Variants in CYP39A1 observed in about 807,000 individuals in gnomAD.
The protein encoded by CYP39A1 is cytochrome P450 family 39 subfamily A member 1.
CYP39A1 carries 49 observed loss-of-function variants against 58.1 expected under a neutral mutation model. The ratio of observed to expected loss-of-function variants is 0.84; its 90% CI spans 0.67 to 1.07. CYP39A1 has a LOEUF of 1.07. Ranked by LOEUF, CYP39A1 falls within the 50% of genes least tolerant of loss-of-function variation. CYP39A1 has a pLI of 0.00. For synonymous variants in CYP39A1, 209 were observed against 187.6 expected (o/e 1.11, Z -0.93); for missense variants, 531 against 539.4 (o/e 0.98, Z 0.16).
At chr6:46,599,967 T>C (rs939112790) in intron 7 of CYP39A1, among the ~76,000 whole-genome samples, 6 of 152,102 alleles carry the variant, frequency 3.9e-5, no homozygotes, top group Non-Finnish European at 7.4e-5. Flanking sequence ...AAATCATCCA[T>C]GATAATTCTG....
At chr6:46,555,050 GACACACACAC>G (rs138308277) in intron 10 of CYP39A1, among the ~76,000 whole-genome samples, 4 of 148,390 alleles carry the variant, frequency 2.7e-5, no homozygotes, top group Non-Finnish European at 6.0e-5. Context: ...CGCAGACACA[GACACACACAC>G]ACACACACAC....
rs115409124 is a variant in CYP39A1 at position 46,629,903 on chromosome 6, T to C, written c.840+1060A>G. The stretch of plus-strand genomic sequence containing the variant: ...AACATGACGTGACAGACAAATCTCA[T>C]GGCTCTAATCTAATGCAAGACAGAT... On this transcript the variant is annotated intron_variant, in intron 6 of 11. Coordinates refer to ENST00000275016, the MANE Select transcript of CYP39A1 (RefSeq NM_016593.5). 4.2e-3 allele frequency among the ~76,000 whole-genome samples: 642 copies of C among 151,764 alleles called. 9 individuals carry two copies. Among genetic ancestry groups the C allele is most frequent in the African/African-American group, 0.015 (610 of 41,102 alleles).
intron 10 of CYP39A1, chr6:46,586,349 T>C: frequency 1.0e-6 from 1 of 984,522 alleles, no homozygotes; most frequent in Non-Finnish European, 1.2e-6. Flanking sequence ...ACATTTCCCC[T>C]ACAGAATCAT....
At chr6:46,561,435 C>A (rs1337270418) in intron 10 of CYP39A1, among the ~76,000 whole-genome samples, 1 of 151,976 alleles carries the variant, frequency 6.6e-6, no homozygotes, top group Non-Finnish European at 1.5e-5. Context: ...ATGGGAGCTG[C>A]GCAAGTGAAG....
chr6:46,643,635 C>G (rs1776476907), intron 1 of CYP39A1, among the ~76,000 whole-genome samples: 2 of 152,174 alleles, frequency 1.3e-5, no homozygotes, highest in Non-Finnish European at 2.9e-5. Context: ...AGCACCTGGC[C>G]ACAAGTGTAG....
At position 46,616,611 on chromosome 6, in the gene CYP39A1, A is replaced by C. The variant is rs74845460; in HGVS notation, c.931+8807T>G. Among the ~76,000 whole-genome samples, 313 of 152,234 alleles carry C rather than the reference A, an allele frequency of 2.1e-3. 2 individuals are homozygous for C. Among genetic ancestry groups the C allele is most frequent in the African/African-American group, 7.4e-3 (307 of 41,568 alleles). On this transcript the variant is annotated intron_variant, in intron 7 of 11. Coordinates refer to ENST00000275016, the MANE Select transcript of CYP39A1 (RefSeq NM_016593.5). ...ATTGTTAATTGTCTGTATCCTCTACAAGAATGTAAGCACCAAGAAAAAAGT... is the reference window on the plus strand; with the variant it reads ...ATTGTTAATTGTCTGTATCCTCTACCAGAATGTAAGCACCAAGAAAAAAGT...
chr6:46,635,037 A>C (rs985179813), intron 5 of CYP39A1, among the ~76,000 whole-genome samples: 5 of 152,222 alleles, frequency 3.3e-5, no homozygotes, highest in African/African-American at 1.2e-4. Context: ...ATGGCTTCCT[A>C]TTCCCTTTAT....
At chr6:46,596,860 T>G (rs554646127) in intron 7 of CYP39A1, among the ~76,000 whole-genome samples, 65 of 152,298 alleles carry the variant, frequency 4.3e-4, no homozygotes, top group Non-Finnish European at 6.9e-4. Context: ...ATGTTTGCAT[T>G]TTGAAAATTA....
At chr6:46,625,551 A>C in intron 6 of CYP39A1, 43 bp from the exon 7 acceptor site, 1 of 1,456,042 alleles carries the variant, frequency 6.9e-7, no homozygotes, top group Non-Finnish European at 9.6e-7. Flanking sequence ...ACTTCTTTGA[A>C]GGTGAACAAA....
intron 7 of CYP39A1, among the ~76,000 whole-genome samples, chr6:46,609,264 G>A (rs1774053413): frequency 6.6e-6 from 1 of 151,702 alleles, no homozygotes. Flanking sequence ...TTAGCCGGGC[G>A]TGGTGGCGGG....
intron 7 of CYP39A1, among the ~76,000 whole-genome samples, chr6:46,623,863 T>A (rs907164430): frequency 7.2e-5 from 11 of 152,054 alleles, no homozygotes; most frequent in African/African-American, 2.4e-4. Context: ...TCTGTATAAG[T>A]ATGGTTAAAA....
rs114069256 is a variant in CYP39A1 at position 46,563,257 on chromosome 6, C to T, written c.1251-9403G>A. On this transcript the variant is annotated intron_variant, in intron 10 of 11. Coordinates refer to ENST00000275016, the MANE Select transcript of CYP39A1 (RefSeq NM_016593.5). ...TCAAAGAAAACGGGCCTTGTAAATTCGTATTTTTACAGAAGCTCTTCAGAA... is the reference window on the plus strand; with the variant it reads ...TCAAAGAAAACGGGCCTTGTAAATTTGTATTTTTACAGAAGCTCTTCAGAA... Among the ~76,000 whole-genome samples the T allele has an allele frequency of 7.6e-3, 1,152 of 152,118 alleles. 16 individuals are homozygous for T. The highest frequency in any genetic ancestry group is 0.026 in the African/African-American group (1,074 of 41,500).
intron 1 of CYP39A1, among the ~76,000 whole-genome samples, chr6:46,643,502 C>T (rs1298091133): frequency 2.0e-5 from 3 of 152,212 alleles, no homozygotes; most frequent in African/African-American, 7.2e-5. Flanking sequence ...TGCTTTCTAA[C>T]ATTCCTATCT....
intron 1 of CYP39A1, 22 bp from the exon 2 acceptor site, chr6:46,642,320 T>C: frequency 6.2e-7 from 1 of 1,603,790 alleles, no homozygotes; most frequent in South Asian, 1.1e-5. Flanking sequence ...CAAACATAGA[T>C]TATATTAGTA....
At chr6:46,608,555 C>T (rs1010435212) in intron 7 of CYP39A1, among the ~76,000 whole-genome samples, 1 of 152,000 alleles carries the variant, frequency 6.6e-6, no homozygotes, top group Non-Finnish European at 1.5e-5. Flanking sequence ...TATACTCACT[C>T]TTACGGAGGT....
chr6:46,612,299 C>A (rs988277865), intron 7 of CYP39A1, among the ~76,000 whole-genome samples: 98 of 152,232 alleles, frequency 6.4e-4, no homozygotes, highest in African/African-American at 2.3e-3. Context: ...ATTAGACATG[C>A]AAGTCTCACC....
chr6:46,606,892 C>T (rs1162121423), intron 7 of CYP39A1, among the ~76,000 whole-genome samples: 4 of 152,108 alleles, frequency 2.6e-5, no homozygotes, highest in African/African-American at 9.7e-5. Context: ...CTGTTATGTG[C>T]TAGCCTAAGC....
intron 10 of CYP39A1, among the ~76,000 whole-genome samples, chr6:46,565,706 A>T (rs977034229): frequency 1.3e-5 from 2 of 152,134 alleles, no homozygotes; most frequent in Non-Finnish European, 2.9e-5. Context: ...AGGAGCAGGG[A>T]CTGAATTAAG....
Position 46,561,702 on chromosome 6 carries a change from G to A in CYP39A1, c.1251-7848C>T, listed in dbSNP as rs16874798. On this transcript the variant is annotated intron_variant, in intron 10 of 11. Coordinates refer to ENST00000275016, the MANE Select transcript of CYP39A1 (RefSeq NM_016593.5). ...TCTAGGTGTGGAAACGGGGTTTCTC[G>A]AAGCTTTATTACAACATATAGGAGG... Among the ~76,000 whole-genome samples, 1,268 of 152,152 alleles carry A rather than the reference G, an allele frequency of 8.3e-3. 18 individuals carry two copies. The highest frequency in any genetic ancestry group is 0.028 in the African/African-American group (1,182 of 41,520).
Sources: allele counts gnomAD v4.1 joint callset (sites outside exome capture counted in the v4.1 genomes callset), GRCh38; gene constraint gnomAD v4.1.1; transcripts MANE v1.5; gene names NCBI Gene and HGNC (gene_info 2026-07-23, HGNC 2026-07-21).